The following IQCH variants were observed in gnomAD, a reference collection of about 807,000 sequenced individuals.
IQCH encodes the protein IQ domain-containing protein H.
In IQCH, 98 loss-of-function variants were observed where a neutral mutation model predicts 117.0. The ratio of observed to expected loss-of-function variants is 0.84; its 90% CI spans 0.71 to 0.99. The LOEUF (loss-of-function observed/expected upper bound fraction) is 0.99. Among genes scored for constraint, IQCH ranks in the 50% least tolerant of loss-of-function variants. The pLI, the probability that IQCH is intolerant of heterozygous loss-of-function variation, is 0.00. For missense variants in IQCH, 1,102 were observed against 1,243.8 expected, an observed-to-expected ratio of 0.89 and a Z score of 1.72; for synonymous variants, 412 against 448.2, an observed-to-expected ratio of 0.92 and a Z score of 1.02.
chr15:67,420,226 T>G (rs1456962507), intron 15 of IQCH, among the ~76,000 whole-genome samples: 1 of 152,220 alleles, frequency 6.6e-6, no homozygotes, highest in African/African-American at 2.4e-5. Context: ...CTGACCAAAT[T>G]TATAGACATT....
intron 10 of IQCH, among the ~76,000 whole-genome samples, chr15:67,382,392 T>G (rs1265266681): frequency 6.6e-6 from 1 of 152,228 alleles, no homozygotes; most frequent in African/African-American, 2.4e-5. Flanking sequence ...TCTCTTGATT[T>G]TAAGGTCAGT....
chr15:67,345,737 C>A (rs1286576555), intron 6 of IQCH, among the ~76,000 whole-genome samples: 1 of 152,082 alleles, frequency 6.6e-6, no homozygotes, highest in Non-Finnish European at 1.5e-5. Context: ...TGACTAAATA[C>A]AATGAGATAT....
At chr15:67,330,622 G>T (rs1460384053) in intron 4 of IQCH, among the ~76,000 whole-genome samples, 1 of 152,078 alleles carries the variant, frequency 6.6e-6, no homozygotes, top group Non-Finnish European at 1.5e-5. Flanking sequence ...GCTGTGCTTG[G>T]TGAAAGCATC....
chr15:67,372,022 A>G, intron 8 of IQCH, 89 bp from the exon 9 acceptor site: 1 of 1,127,722 alleles, frequency 8.9e-7, no homozygotes, highest in South Asian at 1.6e-5. Flanking sequence ...ATTGAATGCT[A>G]AATGATAATG....
rs1970255926 is a variant in IQCH at position 67,364,332 on chromosome 15, C to A, written c.753+4447C>A. On this transcript the variant is annotated intron_variant, in intron 8 of 20. Coordinates refer to ENST00000335894, the MANE Select transcript of IQCH (RefSeq NM_001031715.3). The surrounding 1 kb of genome is among the most constrained non-coding windows in gnomAD (Gnocchi z 4.1). ...AAAAGAGTTACCATTTTCTCTAATT[C>A]ATTAGAAATTGCCATCCTCACCTAT... Among the ~76,000 whole-genome samples, 1 of 152,046 alleles carries A rather than the reference C, an allele frequency of 6.6e-6. No homozygotes were observed. Among genetic ancestry groups the A allele is most frequent in the African/African-American group, 2.4e-5 (1 of 41,416 alleles).
chr15:67,313,779 C>A (rs1967714711), intron 4 of IQCH, among the ~76,000 whole-genome samples: 1 of 152,152 alleles, frequency 6.6e-6, no homozygotes, highest in Admixed American at 6.5e-5. Context: ...CAGACAGCTT[C>A]TGAAATTAGA....
intron 2 of IQCH, among the ~76,000 whole-genome samples, chr15:67,262,136 C>A (rs1030421885): frequency 4.6e-5 from 7 of 151,708 alleles, no homozygotes; most frequent in African/African-American, 1.7e-4. Flanking sequence ...CCCCTAATAG[C>A]CTAAATATTT....
chr15:67,494,379 T>G lies in IQCH; in HGVS notation c.2970+13T>G. 9.0e-6 allele frequency: 14 copies of G among 1,554,578 alleles called. No homozygotes were observed. The highest frequency in any genetic ancestry group is 3.4e-5 in the South Asian group (3 of 87,904). On this transcript the variant is annotated intron_variant, in intron 20 of 20. Transcript: ENST00000335894. The surrounding 1 kb of genome is among the most constrained non-coding windows in gnomAD (Gnocchi z 5.5). ...GACCAATTTTAAGGTGAGGTGTTAA[T>G]TAACTAACGATTCTGGTTAATTTCT...
Position 67,390,253 on chromosome 15 carries a change from G to A in IQCH, c.1632+1247G>A, listed in dbSNP as rs960010593. On this transcript the variant is annotated intron_variant, in intron 12 of 20. Transcript: ENST00000335894. This position sits in a 1 kb window ranked among gnomAD's most constrained non-coding sequence, Gnocchi z 5.0. ...GTTATTGCTTGGCCTCAATGACATA[G>A]TTACTATGGACATTAGGGTGCAAGG... Among the ~76,000 whole-genome samples the A allele has an allele frequency of 1.3e-5, 2 of 152,114 alleles. No homozygotes were observed. Among genetic ancestry groups the A allele is most frequent in the South Asian group, 4.1e-4 (2 of 4,826 alleles).
rs1193825706 is a variant in IQCH at position 67,463,971 on chromosome 15, T to C, written c.2506-1156T>C. ...GATTCTCGTGCCTCAGCCTCCCAAG[T>C]ATCTGAGATTACAGGCGCACGCCAC... On this transcript the variant is annotated intron_variant, in intron 16 of 20. Coordinates refer to ENST00000335894, the MANE Select transcript of IQCH (RefSeq NM_001031715.3). This position sits in a 1 kb window ranked among gnomAD's most constrained non-coding sequence, Gnocchi z 4.0. Among the ~76,000 whole-genome samples the C allele has an allele frequency of 2.0e-5, 3 of 152,184 alleles. No homozygotes were observed. The highest frequency in any genetic ancestry group is 7.2e-5 in the African/African-American group (3 of 41,442).
intron 10 of IQCH, chr15:67,374,241 T>C (rs1970663676): frequency 6.6e-6 from 1 of 152,262 alleles, no homozygotes; most frequent in Non-Finnish European, 1.5e-5. Context: ...TAAATTTCCT[T>C]GGTGAGGTCA....
intron 16 of IQCH, among the ~76,000 whole-genome samples, chr15:67,452,920 A>T (rs1440356820): frequency 2.6e-5 from 4 of 151,970 alleles, no homozygotes; most frequent in Admixed American, 2.0e-4. Context: ...GGCTTTGTTC[A>T]TTTCTTTTTA....
intron 5 of IQCH, among the ~76,000 whole-genome samples, chr15:67,337,940 G>C (rs573686318): frequency 3.3e-4 from 50 of 152,254 alleles, no homozygotes; most frequent in African/African-American, 1.1e-3. Flanking sequence ...TGCATCTTCT[G>C]TCTGCTGGTG....
chr15:67,359,326 C>T lies in IQCH; in HGVS notation c.715-521C>T, dbSNP rs543250553. 1.8e-4 allele frequency among the ~76,000 whole-genome samples: 27 copies of T among 152,336 alleles called. No homozygotes were observed. The highest frequency in any genetic ancestry group is 8.3e-4 in the South Asian group (4 of 4,830). ...TTCTCTGTTGACTTCACAAAGCTCT[C>T]CCCAACTGCTGGAAACAGTAATATT... On this transcript the variant is annotated intron_variant, in intron 7 of 20. Transcript: ENST00000335894. The surrounding 1 kb of genome is among the most constrained non-coding windows in gnomAD (Gnocchi z 4.5).
At chr15:67,269,653 T>G (rs1388787326) in intron 3 of IQCH, among the ~76,000 whole-genome samples, 2 of 151,764 alleles carry the variant, frequency 1.3e-5, no homozygotes, top group Non-Finnish European at 2.9e-5. Flanking sequence ...CCTCTCCTCC[T>G]TGCCTCTGGT....
In IQCH at chr15:67,424,969, G is replaced by T. The variant is rs2035506525; in HGVS notation, c.2505+3392G>T. ...ATTTTTTTTCTAATTGACATGCCTT[G>T]TGATGCCATTGAAGCGACTGGCAGG... On this transcript the variant is annotated intron_variant, in intron 16 of 20. Transcript: ENST00000335894. The surrounding 1 kb of genome is among the most constrained non-coding windows in gnomAD (Gnocchi z 4.9). Among the ~76,000 whole-genome samples the T allele has an allele frequency of 6.6e-6, 1 of 152,114 alleles. No homozygotes were observed. The highest frequency in any genetic ancestry group is 1.5e-5 in the Non-Finnish European group (1 of 68,032).
intron 4 of IQCH, among the ~76,000 whole-genome samples, chr15:67,313,042 G>C (rs937471297): frequency 6.6e-6 from 1 of 152,118 alleles, no homozygotes; most frequent in Non-Finnish European, 1.5e-5. Context: ...AATGTGTAAA[G>C]TAAACCCAGA....
Position 67,388,018 on chromosome 15 carries a change from C to T in IQCH, c.1457-813C>T, listed in dbSNP as rs1260879425. ...TCCACATTTAGCCAAGGGCTTTGCC[C>T]CTACAGATCAGTCAGCTATTTTGTG... On this transcript the variant is annotated intron_variant, in intron 11 of 20. Coordinates refer to ENST00000335894, the MANE Select transcript of IQCH (RefSeq NM_001031715.3). This position sits in a 1 kb window ranked among gnomAD's most constrained non-coding sequence, Gnocchi z 5.5. Among the ~76,000 whole-genome samples, 2 of 152,160 alleles carry T rather than the reference C, an allele frequency of 1.3e-5. No individual in the cohort carries two copies. Among genetic ancestry groups the T allele is most frequent in the East Asian group, 3.9e-4 (2 of 5,192 alleles).
rs916211922 is a variant in IQCH at position 67,433,389 on chromosome 15, T to C, written c.2505+11812T>C. On this transcript the variant is annotated intron_variant, in intron 16 of 20. Transcript: ENST00000335894. This position sits in a 1 kb window ranked among gnomAD's most constrained non-coding sequence, Gnocchi z 5.4. ...AACTTTGCTATGTATATATTACCAT[T>C]TGTGACTGTCCTTAAATGTTTGGTT... 6.6e-6 allele frequency among the ~76,000 whole-genome samples: 1 copy of C among 152,242 alleles called. No homozygotes were observed. Among genetic ancestry groups the C allele is most frequent in the African/African-American group, 2.4e-5 (1 of 41,472 alleles).
Sources: gnomAD v4.1 joint callset for allele counts (sites outside exome capture counted in the v4.1 genomes callset) on GRCh38, gnomAD v4.1.1 for gene constraint, Gnocchi (gnomAD v3.1) non-coding constraint, MANE v1.5 for transcripts, NCBI Gene and HGNC (gene_info 2026-07-23, HGNC 2026-07-21) for gene names.